The following SEMA4D variants were observed in gnomAD, a reference collection of about 807,000 sequenced individuals.
SEMA4D encodes the protein semaphorin-4D.
Under a neutral mutation model 74.8 loss-of-function variants are expected in SEMA4D, and 22 were observed. The ratio of observed to expected loss-of-function variants is 0.29; its 90% confidence interval spans 0.21 to 0.42. The LOEUF (loss-of-function observed/expected upper bound fraction) is 0.42, where lower values mean the gene tolerates loss of function less well. SEMA4D is among the 10% of genes least tolerant of loss of function. The pLI is 1.00. For synonymous variants in SEMA4D, 445 were observed against 463.7 expected (o/e 0.96, Z 0.52); for missense variants, 937 against 1,118.4 (o/e 0.84, Z 2.31).
chr9:89,374,168 T>A (rs907726932), downstream of SEMA4D, among the ~76,000 whole-genome samples: 12 of 151,966 alleles, frequency 7.9e-5, no homozygotes, highest in Non-Finnish European at 1.5e-4. Context: ...GAAAAGGGGG[T>A]GGCGGAGGGC....
intron 2 of SEMA4D, chr9:89,450,263 C>T: frequency 9.7e-7 from 1 of 1,028,460 alleles, no homozygotes; most frequent in Non-Finnish European, 1.5e-6. Context: ...CAGGAAAGGG[C>T]AAGACCAAGG....
At chr9:89,473,079 C>A (rs1355450206) in intron 1 of SEMA4D, among the ~76,000 whole-genome samples, 1 of 152,174 alleles carries the variant, frequency 6.6e-6, no homozygotes, top group Admixed American at 6.5e-5. Context: ...CAGAGCAAGA[C>A]CCTGTCTCAA....
chr9:89,455,733 TCCTC>T (rs1252949462), intron 2 of SEMA4D, among the ~76,000 whole-genome samples, 151 bp downstream of exon 2: 1 of 152,198 alleles, frequency 6.6e-6, no homozygotes, highest in East Asian at 1.9e-4. Context: ...AGACAGGCCT[TCCTC>T]CCTCACTTTC....
chr9:89,473,182 T>G (rs1354116175), intron 1 of SEMA4D, among the ~76,000 whole-genome samples: 1 of 152,210 alleles, frequency 6.6e-6, no homozygotes, highest in Non-Finnish European at 1.5e-5. Flanking sequence ...TAAATGATAC[T>G]ACATTTTGAA....
At chr9:89,420,961 G>C (rs1846800200) in intron 2 of SEMA4D, among the ~76,000 whole-genome samples, 1 of 152,234 alleles carries the variant, frequency 6.6e-6, no homozygotes, top group Non-Finnish European at 1.5e-5. Context: ...TACCACTTGT[G>C]AAATGAAGCC....
intron 11 of SEMA4D, 68 bp downstream of exon 11, chr9:89,388,568 C>A (rs1320062692): frequency 6.5e-7 from 1 of 1,540,764 alleles, no homozygotes; most frequent in African/African-American, 1.4e-5. Flanking sequence ...GGCCCCAGTG[C>A]CTGTACTGGA....
rs774747790 is a variant in SEMA4D at position 89,381,112 on chromosome 9, G to A, written c.1620-14C>T. On this transcript the variant is annotated splice_polypyrimidine_tract_variant and intron_variant, in intron 14 of 15. Transcript: ENST00000422704. This position sits in a 1 kb window ranked among gnomAD's most constrained non-coding sequence, Gnocchi z 4.6. The stretch of plus-strand genomic sequence containing the variant: ...TGAATCAAACCCCTGCAAAACAACC[G>A]GCACGTGTTATTCACCCACACACAT... 1.7e-5 allele frequency: 27 copies of A among 1,613,912 alleles called. No individual in the cohort carries two copies. The highest frequency in any genetic ancestry group is 9.3e-5 in the African/African-American group (7 of 74,894).
intron 2 of SEMA4D, among the ~76,000 whole-genome samples, chr9:89,420,916 C>G (rs1231356343): frequency 2.0e-5 from 3 of 152,238 alleles, no homozygotes; most frequent in Non-Finnish European, 4.4e-5. Flanking sequence ...GTGCCCGATG[C>G]TGTTTAAGCA....
chr9:89,487,520 A>G (rs945903638), intron 1 of SEMA4D, among the ~76,000 whole-genome samples: 2 of 152,202 alleles, frequency 1.3e-5, no homozygotes, highest in East Asian at 3.8e-4. Context: ...CATTGTACTG[A>G]AAGTCCTAGA....
At chr9:89,473,769 C>T (rs370037202) in intron 1 of SEMA4D, among the ~76,000 whole-genome samples, 6 of 149,036 alleles carry the variant, frequency 4.0e-5, no homozygotes, top group African/African-American at 1.5e-4. Context: ...GCAGGAGAAT[C>T]GCTTGAACCT....
intron 2 of SEMA4D, among the ~76,000 whole-genome samples, chr9:89,442,987 G>A (rs970279433): frequency 2.0e-5 from 3 of 152,194 alleles, no homozygotes; most frequent in Admixed American, 1.3e-4. Flanking sequence ...AACCTCGGAT[G>A]CCCACCAGGA....
Position 89,381,242 on chromosome 9 carries a change from G to T in SEMA4D, c.1551C>A (p.Asp517Glu). The change falls in exon 14 of 16, where the codon GAC becomes GAA. Residue 517 changes from aspartate to glutamate, a missense_variant. By Grantham distance (45) the Asp-to-Glu change is conservative. Coordinates refer to ENST00000422704, the MANE Select transcript of SEMA4D (RefSeq NM_001371194.2). This position sits in a 1 kb window ranked among gnomAD's most constrained non-coding sequence, Gnocchi z 4.6. ...TGGGCGGGCTCCAGGCGCAGTAGGGGTCCCGCGCCAGCACACAGTCCTCGC... is the reference window on the plus strand; with the variant it reads ...TGGGCGGGCTCCAGGCGCAGTAGGGTTCCCGCGCCAGCACACAGTCCTCGC... ...GTCEDCVLAR[D>E]PYCAWSPPTA... The T allele has an allele frequency of 6.2e-7, 1 of 1,605,428 alleles. No individual in the cohort carries two copies. Among genetic ancestry groups the T allele is most frequent in the Non-Finnish European group, 8.5e-7 (1 of 1,173,602 alleles).
chr9:89,376,901 G>A (rs910929632), downstream of SEMA4D: 4 of 1,550,914 alleles, frequency 2.6e-6, no homozygotes, highest in East Asian at 9.8e-5. Flanking sequence ...ACTCAGGAAG[G>A]GCGGCAGCAA....
Position 89,396,751 on chromosome 9 carries a change from C to T in SEMA4D, c.400G>A (p.Ala134Thr). 6.2e-7 allele frequency: 1 copy of T among 1,613,542 alleles called. No individual in the cohort carries two copies. Among genetic ancestry groups the T allele is most frequent in the Admixed American group, 1.7e-5 (1 of 59,992 alleles). The change falls in exon 6 of 16, where the codon GCC becomes ACC. Residue 134 changes from alanine to threonine, a missense_variant. By Grantham distance (58) the Ala-to-Thr change is moderately conservative. Coordinates refer to ENST00000422704, the MANE Select transcript of SEMA4D (RefSeq NM_001371194.2). ...YVCGTNAFQP[A>T]CDHLNLTSFK... ...ATCAGCCTTACCAGGTGGTCACAGG[C>T]CGGCTGGAATGCGTTGGTCCCACAC... is the stretch of plus-strand genomic sequence containing the variant.
intron 1 of SEMA4D, among the ~76,000 whole-genome samples, chr9:89,457,200 G>A (rs115044834): frequency 6.6e-6 from 1 of 152,304 alleles, no homozygotes; most frequent in African/African-American, 2.4e-5. Context: ...ATGGGGTGGA[G>A]CAACCAGAGC....
intron 2 of SEMA4D, among the ~76,000 whole-genome samples, chr9:89,440,837 A>C (rs1851528018): frequency 6.6e-6 from 1 of 152,234 alleles, no homozygotes; most frequent in African/African-American, 2.4e-5. Context: ...GTAGGAACAC[A>C]CAGGGTGCCA....
chr9:89,414,966 TG>T (rs1349041704), intron 2 of SEMA4D, among the ~76,000 whole-genome samples: 1 of 151,944 alleles, frequency 6.6e-6, no homozygotes, highest in Non-Finnish European at 1.5e-5. Flanking sequence ...CAGAGGGCGG[TG>T]GGAGTGAAGA....
At chr9:89,363,327 TG>T in intron 18 of SEMA4D, 1 of 1,513,154 alleles carries the variant, frequency 6.6e-7, no homozygotes, top group African/African-American at 1.4e-5. Flanking sequence ...AGGGAACAAG[TG>T]GGGTCCATGC....
At chr9:89,482,101 C>T (rs1019957260) in intron 1 of SEMA4D, among the ~76,000 whole-genome samples, 4 of 152,194 alleles carry the variant, frequency 2.6e-5, no homozygotes, top group African/African-American at 7.2e-5. Flanking sequence ...ATGGAGCCGA[C>T]CCAGCTGCTC....
Sources: gnomAD v4.1 joint callset for allele counts (sites outside exome capture counted in the v4.1 genomes callset) on GRCh38, gnomAD v4.1.1 for gene constraint, Gnocchi (gnomAD v3.1) non-coding constraint, MANE v1.5 for transcripts, NCBI Gene and HGNC (gene_info 2026-07-23, HGNC 2026-07-21) for gene names.